The following SLFN12L variants were observed in gnomAD, a reference collection of about 807,000 sequenced individuals.
The protein encoded by SLFN12L is schlafen family member 12 like.
SLFN12L carries 34 observed loss-of-function variants against 34.8 expected under a neutral mutation model. The observed-to-expected ratio is 0.98, with a 90% CI of 0.74 to 1.30. SLFN12L has a LOEUF of 1.30. Among genes scored for constraint, SLFN12L ranks in the 50% most tolerant of loss-of-function variants. The pLI is 0.00. For missense variants in SLFN12L, 703 were observed against 696.2 expected, an observed-to-expected ratio of 1.01 and a Z score of -0.11; for synonymous variants, 259 against 247.5, an observed-to-expected ratio of 1.05 and a Z score of -0.44.
At chr17:35,499,050 C>A in intron 2 of SLFN12L, 1 of 790,982 alleles carries the variant, frequency 1.3e-6, no homozygotes, top group Non-Finnish European at 2.1e-6. Context: ...TGATAGCAAG[C>A]TGCTTGCTGC....
At chr17:35,505,984 T>C (rs56185101) in intron 2 of SLFN12L, among the ~76,000 whole-genome samples, 15,652 of 152,228 alleles carry the variant, frequency 0.1, 876 homozygotes, top group East Asian at 0.21. Flanking sequence ...TTATTGTAAG[T>C]GTACTGGGAC....
chr17:35,469,800 G>A lies in SLFN12L; in HGVS notation c.*5123C>T, dbSNP rs1273776463. 6.6e-6 allele frequency among the ~76,000 whole-genome samples: 1 copy of A among 152,162 alleles called. No homozygotes were observed. The highest frequency in any genetic ancestry group is 2.1e-4 in the South Asian group (1 of 4,810). On this transcript the variant is annotated 3_prime_UTR_variant, in exon 5 of 5. Transcript: ENST00000628453. ...TTTTCCCTACCCTACATAAACCCAGGGCCATGTAACAGACAACTGGGGACC... is the reference window on the plus strand; with the variant it reads ...TTTTCCCTACCCTACATAAACCCAGAGCCATGTAACAGACAACTGGGGACC...
chr17:35,498,525 C>A, intron 2 of SLFN12L: 2 of 1,242,778 alleles, frequency 1.6e-6, no homozygotes, highest in Non-Finnish European at 2.4e-6. Flanking sequence ...TGTCTGCCTC[C>A]ATCTCAGCCT....
intron 1 of SLFN12L, among the ~76,000 whole-genome samples, chr17:35,525,011 T>C (rs1334053132): frequency 1.3e-5 from 2 of 151,846 alleles, no homozygotes; most frequent in Non-Finnish European, 2.9e-5. Context: ...GAGAAGAATA[T>C]AAATGACCTG....
Position 35,522,739 on chromosome 17 carries a change from G to C in SLFN12L, c.-375C>G. On this transcript the variant is annotated 5_prime_UTR_variant, in exon 2 of 5. Coordinates refer to ENST00000628453, the MANE Select transcript of SLFN12L (RefSeq NM_001363830.2). ...CTGCTTCAAAGTAAGGGCAGTGCAA[G>C]TGCAGTAGTCCTGGCCCTGCCAGGG... 6.2e-7 allele frequency: 1 copy of C among 1,613,496 alleles called. No individual in the cohort carries two copies. The highest frequency in any genetic ancestry group is 8.5e-7 in the Non-Finnish European group (1 of 1,179,516).
intron 2 of SLFN12L, among the ~76,000 whole-genome samples, chr17:35,493,430 A>G (rs1302773231): frequency 6.6e-6 from 1 of 152,216 alleles, no homozygotes; most frequent in Non-Finnish European, 1.5e-5. Flanking sequence ...TTTTCTCCAA[A>G]GTCTAAAGAC....
chr17:35,490,618 A>G, intron 2 of SLFN12L: 2 of 848,056 alleles, frequency 2.4e-6, no homozygotes, highest in Non-Finnish European at 4.1e-6. Flanking sequence ...GACCAAGCTC[A>G]CTCAGGAAGA....
intron 2 of SLFN12L, among the ~76,000 whole-genome samples, chr17:35,507,049 G>C (rs1915483076): frequency 6.6e-6 from 1 of 152,178 alleles, no homozygotes; most frequent in Non-Finnish European, 1.5e-5. Context: ...GTCCCACCAG[G>C]ACTGGACAGC....
intron 2 of SLFN12L, among the ~76,000 whole-genome samples, chr17:35,511,986 T>C (rs1286202005): frequency 6.6e-6 from 1 of 152,226 alleles, no homozygotes; most frequent in Admixed American, 6.5e-5. Context: ...ATCATTCCAC[T>C]GAAATCTGGG....
intron 2 of SLFN12L, chr17:35,490,010 C>A: frequency 1.3e-6 from 2 of 1,591,198 alleles, no homozygotes; most frequent in Non-Finnish European, 1.7e-6. Context: ...ATCCGACATC[C>A]AGATCCTCAC....
intron 1 of SLFN12L, among the ~76,000 whole-genome samples, chr17:35,523,578 C>G (rs1335419726): frequency 6.6e-6 from 1 of 152,200 alleles, no homozygotes; most frequent in East Asian, 1.9e-4. Context: ...AAAGTCTTCT[C>G]TTTGTCACAG....
At chr17:35,521,489 T>A (rs1915994969) in intron 2 of SLFN12L, among the ~76,000 whole-genome samples, 1 of 152,248 alleles carries the variant, frequency 6.6e-6, no homozygotes, top group Non-Finnish European at 1.5e-5. Flanking sequence ...TTACCATGGC[T>A]GGGTGGATTT....
At position 35,464,260 on chromosome 17, in the gene SLFN12L, T is replaced by C. The variant is rs1913686750; in HGVS notation, c.*10663A>G. 6.6e-6 allele frequency: 1 copy of C among 152,224 alleles called. No individual in the cohort carries two copies. The highest frequency in any genetic ancestry group is 1.5e-5 in the Non-Finnish European group (1 of 68,034). 9.4% of individuals were successfully genotyped at this position (152,224 alleles called of 1,614,324 possible). A position where few individuals can be genotyped will look rare whatever the true frequency, so the allele number is the denominator to read the frequency against. Reference sequence around the variant, plus strand: ...AATAACCAACTGAATTATATGTAGATAAAATTTTTGTTAATTTTTATTTTA... The same window carrying C: ...AATAACCAACTGAATTATATGTAGACAAAATTTTTGTTAATTTTTATTTTA... On this transcript the variant is annotated 3_prime_UTR_variant, in exon 5 of 5. Transcript: ENST00000628453.
Position 35,522,697 on chromosome 17 carries a change from C to T in SLFN12L, c.-333G>A. The T allele has an allele frequency of 1.2e-6, 2 of 1,614,144 alleles. No individual in the cohort carries two copies. The highest frequency in any genetic ancestry group is 1.1e-5 in the South Asian group (1 of 91,078). On this transcript the variant is annotated 5_prime_UTR_variant, in exon 2 of 5. Coordinates refer to ENST00000628453, the MANE Select transcript of SLFN12L (RefSeq NM_001363830.2). ...GACACACACCTCCCCAGTGTAGCCCCCCATGTTCACCAGCTTCTGCTTCAA... is the reference window on the plus strand; with the variant it reads ...GACACACACCTCCCCAGTGTAGCCCTCCATGTTCACCAGCTTCTGCTTCAA...
chr17:35,526,611 A>C (rs1178494097), intron 1 of SLFN12L, among the ~76,000 whole-genome samples: 1 of 152,150 alleles, frequency 6.6e-6, no homozygotes, highest in Non-Finnish European at 1.5e-5. Context: ...AATGACTACC[A>C]GGTAAATAAC....
intron 2 of SLFN12L, among the ~76,000 whole-genome samples, chr17:35,482,506 G>A (rs757528522): frequency 1.3e-4 from 20 of 152,098 alleles, no homozygotes; most frequent in African/African-American, 1.9e-4. Context: ...CAGGCCTCCC[G>A]CTCTCTGCAG....
chr17:35,487,623 C>T lies in SLFN12L; in HGVS notation c.87-7428G>A. On this transcript the variant is annotated intron_variant, in intron 2 of 4. Transcript: ENST00000628453. ...TAAGCAACTGAAAGTTAAACGCCCACGTGAATAGCTCTGAGGGATCACGGA... is the reference window on the plus strand; with the variant it reads ...TAAGCAACTGAAAGTTAAACGCCCATGTGAATAGCTCTGAGGGATCACGGA... 3.2e-6 allele frequency: 4 copies of T among 1,255,330 alleles called. No homozygotes were observed. The Admixed American group carries it at 8.5e-5, about 27-fold the overall frequency. The allele number at this position is 1,255,330 out of a possible 1,614,324, so 77.8% of individuals were successfully genotyped here. A position where few individuals can be genotyped will look rare whatever the true frequency, so the allele number is the denominator to read the frequency against.
At position 35,467,764 on chromosome 17, in the gene SLFN12L, A is replaced by C. The variant is rs1490264503; in HGVS notation, c.*7159T>G. ...ATAGTGATTGTCCAATGGGCTAGGC[A>C]GCTGCTTATCTGATATGGGACCCGT... is the stretch of plus-strand genomic sequence containing the variant. On this transcript the variant is annotated 3_prime_UTR_variant, in exon 5 of 5. Coordinates refer to ENST00000628453, the MANE Select transcript of SLFN12L (RefSeq NM_001363830.2). 6.6e-6 allele frequency among the ~76,000 whole-genome samples: 1 copy of C among 152,194 alleles called. No individual in the cohort carries two copies. The highest frequency in any genetic ancestry group is 1.5e-5 in the Non-Finnish European group (1 of 68,030).
chr17:35,522,791 A>G lies in SLFN12L; in HGVS notation c.-427T>C, dbSNP rs745393324. 1 of 1,554,816 alleles carries G rather than the reference A, an allele frequency of 6.4e-7. No homozygotes were observed. Among genetic ancestry groups the G allele is most frequent in the Non-Finnish European group, 8.8e-7 (1 of 1,130,934 alleles). ...TGTTCTATGCTATCAGCAGAGCATCACAGATGACTCCTGGCTTCTCCTGCA... is the reference window on the plus strand; with the variant it reads ...TGTTCTATGCTATCAGCAGAGCATCGCAGATGACTCCTGGCTTCTCCTGCA... On this transcript the variant is annotated 5_prime_UTR_variant, in exon 2 of 5. Transcript: ENST00000628453.
Sources: allele counts gnomAD v4.1 joint callset (sites outside exome capture counted in the v4.1 genomes callset), GRCh38; gene constraint gnomAD v4.1.1; transcripts MANE v1.5; gene names NCBI Gene and HGNC (gene_info 2026-07-23, HGNC 2026-07-21).